CDH8: variants seen among roughly 807,000 people sequenced by gnomAD.
CDH8 encodes the protein cadherin 8.
Under a neutral mutation model 68.1 loss-of-function variants are expected in CDH8, and 17 were observed. The observed-to-expected ratio is 0.25, with a 90% CI of 0.17 to 0.37. The LOEUF is 0.37. Among genes scored for constraint, CDH8 ranks in the 10% least tolerant of loss-of-function variants. CDH8 has a pLI of 1.00. For missense variants in CDH8, 763 were observed against 999.3 expected (o/e 0.76, Z 3.19); for synonymous variants, 372 against 365.1 (o/e 1.02, Z -0.21).
chr16:61,822,205 C>CCT (rs1962230457), intron 5 of CDH8, among the ~76,000 whole-genome samples: 3 of 45,628 alleles, frequency 6.6e-5, no homozygotes, highest in African/African-American at 2.2e-4. Context: ...AAAAACGCAC[C>CCT]TTTTTTTTTT....
At chr16:61,934,368 G>A (rs897450469) in intron 2 of CDH8, 5 of 152,110 alleles carry the variant, frequency 3.3e-5, no homozygotes, top group Admixed American at 2.0e-4. Flanking sequence ...TGGGTAAGTT[G>A]TAATTCTATG....
At chr16:61,903,377 G>T (rs138564155) in intron 2 of CDH8, among the ~76,000 whole-genome samples, 3,069 of 152,330 alleles carry the variant, frequency 0.02, 100 homozygotes, top group African/African-American at 0.07. Context: ...AGGCTGGAGT[G>T]CAGTGACGCG....
intron 5 of CDH8, among the ~76,000 whole-genome samples, chr16:61,824,802 T>C (rs576564894): frequency 6.6e-6 from 1 of 152,092 alleles, no homozygotes; most frequent in Admixed American, 6.6e-5. Flanking sequence ...AATTCTTACT[T>C]ACTATACGCT....
In CDH8 at chr16:61,648,611, A is replaced by AT. The variant is rs990439152; in HGVS notation, c.*4996dup. ...AGACTCAAATAGTATTTATCCATAG[A>AT]TAAAAAAAAAATTCAACAATTAGTT... is the stretch of plus-strand genomic sequence containing the variant. On this transcript the variant is annotated 3_prime_UTR_variant, in exon 12 of 12. Coordinates refer to ENST00000577390, the MANE Select transcript of CDH8 (RefSeq NM_001796.5). The AT allele has an allele frequency of 8.7e-5, 13 of 148,772 alleles. No homozygotes were observed. Among genetic ancestry groups the AT allele is most frequent in the African/African-American group, 9.7e-5 (4 of 41,274 alleles). 9.2% of individuals were successfully genotyped at this position (148,772 alleles called of 1,614,324 possible).
rs147718352 is a variant in CDH8 at position 61,961,086 on chromosome 16, C to T, written c.253-59613G>A. Reference sequence around the variant, plus strand: ...ATTCCAGCACTTTAGGAAGCCAAGGCGGGTGGATTACTCGAGGTCAGGAGT... The same window carrying T: ...ATTCCAGCACTTTAGGAAGCCAAGGTGGGTGGATTACTCGAGGTCAGGAGT... On this transcript the variant is annotated intron_variant, in intron 2 of 11. Transcript: ENST00000577390. Among the ~76,000 whole-genome samples the T allele has an allele frequency of 3.5e-3, 528 of 152,094 alleles. 1 individual carries two copies. Among genetic ancestry groups the T allele is most frequent in the Non-Finnish European group, 5.9e-3 (402 of 67,986 alleles).
chr16:61,798,839 T>A (rs1453986478), intron 7 of CDH8, among the ~76,000 whole-genome samples: 1 of 152,196 alleles, frequency 6.6e-6, no homozygotes, highest in Non-Finnish European at 1.5e-5. Flanking sequence ...TTAAAAATAG[T>A]TCTGTCTTGT....
chr16:61,995,073 G>C (rs977846899), intron 2 of CDH8, among the ~76,000 whole-genome samples: 4 of 152,140 alleles, frequency 2.6e-5, no homozygotes, highest in Admixed American at 6.5e-5. Flanking sequence ...CATGCTAGCT[G>C]TCTTGTTCCT....
intron 2 of CDH8, among the ~76,000 whole-genome samples, chr16:61,908,612 T>G (rs975563835): frequency 7.9e-5 from 12 of 152,160 alleles, no homozygotes; most frequent in African/African-American, 2.9e-4. Context: ...CAGGGAGAAC[T>G]GAACACCCAC....
chr16:62,023,565 G>A (rs1902124770), intron 1 of CDH8, among the ~76,000 whole-genome samples: 1 of 152,186 alleles, frequency 6.6e-6, no homozygotes, highest in African/African-American at 2.4e-5. Flanking sequence ...GGCTAGATGT[G>A]TGGTGATGAC....
chr16:61,972,572 GTGTGTGT>G (rs1444196060), intron 2 of CDH8, among the ~76,000 whole-genome samples: 664 of 58,750 alleles, frequency 0.011, 5 homozygotes, highest in African/African-American at 0.044. Flanking sequence ...CACATTGTGG[GTGTGTGT>G]GTGTGTGTGT....
At chr16:61,964,054 T>C (rs1361319109) in intron 2 of CDH8, among the ~76,000 whole-genome samples, 2 of 152,144 alleles carry the variant, frequency 1.3e-5, no homozygotes, top group African/African-American at 2.4e-5. Context: ...ACTGAAACTT[T>C]AAGCCAAACA....
intron 10 of CDH8, among the ~76,000 whole-genome samples, chr16:61,681,191 A>G (rs887447326): frequency 6.6e-6 from 1 of 151,924 alleles, no homozygotes; most frequent in African/African-American, 2.4e-5. Flanking sequence ...TGCAAGATAA[A>G]TGAAAATATG....
intron 8 of CDH8, among the ~76,000 whole-genome samples, chr16:61,782,261 G>T (rs1961083954): frequency 6.6e-6 from 1 of 152,214 alleles, no homozygotes; most frequent in African/African-American, 2.4e-5. Flanking sequence ...GCAGGGCGAG[G>T]CATTGCCTCA....
intron 2 of CDH8, among the ~76,000 whole-genome samples, chr16:61,962,193 G>C (rs567752119): frequency 6.6e-6 from 1 of 152,122 alleles, no homozygotes; most frequent in South Asian, 2.1e-4. Flanking sequence ...TCTTGCTGTC[G>C]CAGAAGTGGC....
intron 7 of CDH8, among the ~76,000 whole-genome samples, chr16:61,800,255 A>AT (rs1013284530): frequency 1.1e-3 from 172 of 152,300 alleles, no homozygotes; most frequent in African/African-American, 4.0e-3. Flanking sequence ...GGACAAAAAT[A>AT]TTTTTTACCA....
chr16:61,795,416 G>A (rs1281438086), intron 7 of CDH8, among the ~76,000 whole-genome samples: 1 of 151,962 alleles, frequency 6.6e-6, no homozygotes, highest in East Asian at 1.9e-4. Flanking sequence ...CTCACCTGGG[G>A]GAATAACATT....
intron 2 of CDH8, among the ~76,000 whole-genome samples, chr16:61,917,379 AG>A (rs1415644055): frequency 6.6e-6 from 1 of 152,192 alleles, no homozygotes; most frequent in Non-Finnish European, 1.5e-5. Flanking sequence ...AAGACTGGTC[AG>A]ACAGCCTGGG....
intron 8 of CDH8, among the ~76,000 whole-genome samples, chr16:61,755,743 A>T (rs891644087): frequency 2.7e-4 from 41 of 151,332 alleles, no homozygotes; most frequent in Admixed American, 4.0e-4. Context: ...TTTCATTAGT[A>T]GAGTTTTCTT....
At chr16:61,753,726 GTAC>G (rs1485184605) in intron 8 of CDH8, among the ~76,000 whole-genome samples, 5 of 152,018 alleles carry the variant, frequency 3.3e-5, no homozygotes, top group Non-Finnish European at 1.5e-5. Flanking sequence ...CGGTAAAAAA[GTAC>G]TACACTTTAT....
Sources: allele counts gnomAD v4.1 joint callset (sites outside exome capture counted in the v4.1 genomes callset), GRCh38; gene constraint gnomAD v4.1.1; transcripts MANE v1.5; gene names NCBI Gene and HGNC (gene_info 2026-07-23, HGNC 2026-07-21).